CACNA1C: variants seen among roughly 807,000 people sequenced by gnomAD.
CACNA1C encodes the protein voltage-dependent L-type calcium channel subunit alpha-1C.
Under a neutral mutation model 229.0 loss-of-function variants are expected in CACNA1C, and 30 were observed. The observed-to-expected ratio is 0.13, with a 90% CI of 0.10 to 0.18. The LOEUF (loss-of-function observed/expected upper bound fraction) is 0.18, where lower values mean the gene tolerates loss of function less well. Among genes scored for constraint, CACNA1C ranks in the 10% least tolerant of loss-of-function variants. CACNA1C has a pLI of 1.00. For synonymous variants in CACNA1C, 1,114 were observed against 1,132.5 expected (o/e 0.98, Z 0.33); for missense variants, 1,658 against 2,845.0 (o/e 0.58, Z 9.49).
intron 3 of CACNA1C, among the ~76,000 whole-genome samples, chr12:2,267,509 C>A (rs942938731): frequency 6.6e-6 from 1 of 152,184 alleles, no homozygotes; most frequent in African/African-American, 2.4e-5. Context: ...GATTCACCAT[C>A]TGCCCCCATG....
rs565767695 is a variant in CACNA1C at position 2,488,719 on chromosome 12, G to T, written c.916+2457G>T. Among the ~76,000 whole-genome samples, 4 of 152,328 alleles carry T rather than the reference G, an allele frequency of 2.6e-5. No individual in the cohort carries two copies. In the East Asian group the frequency reaches 7.7e-4, roughly 29 times the overall value. ...GAAGTGCTCCAGAGAGAAGGGCCCTGCCAGGCTCCATGAGAAGGTGGCCTC... is the reference window on the plus strand; with the variant it reads ...GAAGTGCTCCAGAGAGAAGGGCCCTTCCAGGCTCCATGAGAAGGTGGCCTC... On this transcript the variant is annotated intron_variant, in intron 6 of 46. Transcript: ENST00000399655. This position sits in a 1 kb window ranked among gnomAD's most constrained non-coding sequence, Gnocchi z 4.0.
chr12:2,625,609 G>A (rs993260457), intron 29 of CACNA1C, among the ~76,000 whole-genome samples: 3 of 152,108 alleles, frequency 2.0e-5, no homozygotes, highest in East Asian at 1.9e-4. Context: ...CAGTGAGCAC[G>A]TTCTCGGTGC....
At chr12:2,170,983 A>G (rs1391434397) in intron 3 of CACNA1C, among the ~76,000 whole-genome samples, 1 of 152,178 alleles carries the variant, frequency 6.6e-6, no homozygotes, top group Non-Finnish European at 1.5e-5. Flanking sequence ...GGGCACTCCC[A>G]TCTGCACAGT....
chr12:2,335,028 G>A (rs1052298424), intron 3 of CACNA1C, among the ~76,000 whole-genome samples: 1 of 152,090 alleles, frequency 6.6e-6, no homozygotes. Flanking sequence ...GGACTCCCAC[G>A]CCTGCTTCCA....
upstream of CACNA1C, among the ~76,000 whole-genome samples, chr12:2,052,720 C>T (rs1355843022): frequency 6.9e-6 from 1 of 145,796 alleles, no homozygotes; most frequent in Non-Finnish European, 1.5e-5. Context: ...GGGCCCGCTC[C>T]CTTTGACGTC....
intron 3 of CACNA1C, among the ~76,000 whole-genome samples, chr12:2,446,564 T>C (rs1287680678): frequency 6.8e-6 from 1 of 147,186 alleles, no homozygotes; most frequent in Non-Finnish European, 1.5e-5. Flanking sequence ...GGGTGGTGCA[T>C]AGGTGGGTGA....
chr12:2,550,695 G>A (rs757874346), intron 10 of CACNA1C: 1 of 1,317,850 alleles, frequency 7.6e-7, no homozygotes, highest in East Asian at 4.9e-5. Flanking sequence ...CTCCACCTGG[G>A]GGGCGGGGCA....
chr12:2,572,557 T>C (rs1330210514), intron 13 of CACNA1C, among the ~76,000 whole-genome samples: 68 of 5,386 alleles, frequency 0.013, no homozygotes, highest in African/African-American at 0.02. Flanking sequence ...CCCTCCTCCT[T>C]CTCCTCTCCT....
At chr12:2,606,756 A>C in intron 25 of CACNA1C, 93 bp downstream of exon 25, 1 of 1,151,426 alleles carries the variant, frequency 8.7e-7, no homozygotes, top group Admixed American at 2.0e-5. Flanking sequence ...TCATTTTCTA[A>C]GACTGCAGTG....
chr12:2,122,094 G>C (rs777102967), intron 3 of CACNA1C, among the ~76,000 whole-genome samples: 14 of 152,166 alleles, frequency 9.2e-5, no homozygotes, highest in Non-Finnish European at 1.9e-4. Flanking sequence ...GGACCTCCTG[G>C]AGGCAGAGGG....
intron 3 of CACNA1C, among the ~76,000 whole-genome samples, chr12:2,377,073 G>A (rs1471333147): frequency 1.3e-5 from 2 of 152,198 alleles, no homozygotes; most frequent in African/African-American, 4.8e-5. Context: ...TAGGGGAGGG[G>A]CAGCTCCCCA....
chr12:2,473,237 C>A (rs975333906), intron 5 of CACNA1C, among the ~76,000 whole-genome samples: 1 of 152,172 alleles, frequency 6.6e-6, no homozygotes. Context: ...ACCTGTACAA[C>A]CCAGCCCTAA....
Position 2,608,822 on chromosome 12 carries a change from A to G in CACNA1C, c.3558+110A>G. 3 of 1,053,548 alleles carry G rather than the reference A, an allele frequency of 2.8e-6. No homozygotes were observed. The highest frequency in any genetic ancestry group is 4.2e-6 in the Non-Finnish European group (3 of 713,744). 65.3% of individuals were successfully genotyped at this position (1,053,548 alleles called of 1,614,324 possible). A position where few individuals can be genotyped will look rare whatever the true frequency, so the allele number is the denominator to read the frequency against. On this transcript the variant is annotated intron_variant, in intron 27 of 46. Coordinates refer to ENST00000399655, the MANE Select transcript of CACNA1C (RefSeq NM_000719.7). This position sits in a 1 kb window ranked among gnomAD's most constrained non-coding sequence, Gnocchi z 4.2. ...AGGGAGAGGCCGTGCAGATACTGAG[A>G]TCGTCTCTCTATTCCTCAACCAGAG...
intron 9 of CACNA1C, among the ~76,000 whole-genome samples, chr12:2,533,845 G>A (rs758304817): frequency 6.6e-6 from 1 of 152,158 alleles, no homozygotes; most frequent in Admixed American, 6.5e-5. Context: ...GGCTGGAGAC[G>A]CCTTCCCCAG....
chr12:2,620,173 G>T lies in CACNA1C; in HGVS notation c.3828+8160G>T, dbSNP rs2082525922. ...CCATTTTACATCTGAAGAAACTGGA[G>T]GTCAGAAAAAGGCTAAGTCCAGAGC... On this transcript the variant is annotated intron_variant, in intron 29 of 46. Transcript: ENST00000399655. 2.0e-5 allele frequency among the ~76,000 whole-genome samples: 3 copies of T among 152,120 alleles called. No individual in the cohort carries two copies. The South Asian group carries it at 6.2e-4, about 31-fold the overall frequency.
In CACNA1C at chr12:2,479,993, C is replaced by T. The variant is rs2154569444; in HGVS notation, c.758-6111C>T. ...CTAATGCTGTCCTTCCCCTGCCCCT[C>T]TGTGGCACCAGATGGGGATTATTTC... is the stretch of plus-strand genomic sequence containing the variant. On this transcript the variant is annotated intron_variant, in intron 5 of 46. Coordinates refer to ENST00000399655, the MANE Select transcript of CACNA1C (RefSeq NM_000719.7). The surrounding 1 kb of genome is among the most constrained non-coding windows in gnomAD (Gnocchi z 4.3). 6.6e-6 allele frequency among the ~76,000 whole-genome samples: 1 copy of T among 152,366 alleles called. No individual in the cohort carries two copies. The highest frequency in any genetic ancestry group is 2.1e-4 in the South Asian group (1 of 4,830).
chr12:2,121,256 T>C (rs567795781), intron 3 of CACNA1C, among the ~76,000 whole-genome samples: 1 of 152,276 alleles, frequency 6.6e-6, no homozygotes, highest in Admixed American at 6.5e-5. Context: ...CCACCGTCTT[T>C]CCCCTGCCGT....
intron 1 of CACNA1C, among the ~76,000 whole-genome samples, chr12:2,010,420 A>G (rs2044209863): frequency 6.6e-6 from 1 of 152,184 alleles, no homozygotes; most frequent in Admixed American, 6.5e-5. Flanking sequence ...TTGCTAGGGT[A>G]AGAGGTAACC....
intron 3 of CACNA1C, among the ~76,000 whole-genome samples, chr12:2,380,030 CAAAAA>C (rs1172016514): frequency 3.7e-5 from 3 of 80,166 alleles, no homozygotes; most frequent in African/African-American, 1.4e-4. Context: ...GACTCCGTCT[CAAAAA>C]AAAAAAAAAG....
Sources: gnomAD v4.1 joint callset for allele counts (sites outside exome capture counted in the v4.1 genomes callset) on GRCh38, gnomAD v4.1.1 for gene constraint, Gnocchi (gnomAD v3.1) non-coding constraint, MANE v1.5 for transcripts, NCBI Gene and HGNC (gene_info 2026-07-23, HGNC 2026-07-21) for gene names.